The following ZNF678 variants were observed in gnomAD, a reference collection of about 807,000 sequenced individuals.
ZNF678 encodes zinc finger protein 678.
ZNF678 carries 5 observed loss-of-function variants against 3.0 expected under a neutral mutation model. That is an observed-to-expected ratio of 1.69 (90% confidence interval 0.88 to 3.56). ZNF678 has a LOEUF of 3.56. ZNF678 is among the 30% of genes most tolerant of loss of function. The probability of loss-of-function intolerance (pLI) is 0.00; values close to 1 mark genes in which losing one functional copy is unlikely to be tolerated. For synonymous variants in ZNF678, 218 were observed against 199.6 expected (o/e 1.09, Z -0.78); for missense variants, 593 against 605.0 (o/e 0.98, Z 0.21).
intron 5 of ZNF678, among the ~76,000 whole-genome samples, chr1:227,674,550 G>A (rs1659649972): frequency 7.2e-6 from 1 of 139,154 alleles, no homozygotes; most frequent in Non-Finnish European, 1.6e-5. Context: ...AATTATTTAA[G>A]TTTATTTGGA....
At chr1:227,572,041 C>CA (rs1164190885) in intron 1 of ZNF678, among the ~76,000 whole-genome samples, 1 of 151,978 alleles carries the variant, frequency 6.6e-6, no homozygotes, top group African/African-American at 2.4e-5. Context: ...GACTCCGTCT[C>CA]AAAAACAAAC....
chr1:227,657,931 T>C lies in ZNF678; in HGVS notation c.*2103T>C, dbSNP rs1160022008. On this transcript the variant is annotated 3_prime_UTR_variant, in exon 4 of 4. Coordinates refer to ENST00000343776, the MANE Select transcript of ZNF678 (RefSeq NM_001367909.1). ...GAATCTTCTCATGCAAATCCTGTTT[T>C]TTTCTTGTCTGTTGATCATACTAAA... 2 of 152,002 alleles carry C rather than the reference T, an allele frequency of 1.3e-5. No homozygotes were observed. The highest frequency in any genetic ancestry group is 2.9e-5 in the Non-Finnish European group (2 of 67,916). The allele number at this position is 152,002 out of a possible 1,614,324, so 9.4% of individuals were successfully genotyped here. A position where few individuals can be genotyped will look rare whatever the true frequency, so the allele number is the denominator to read the frequency against.
At chr1:227,664,480 C>T (rs1208834284), downstream of ZNF678, among the ~76,000 whole-genome samples, 4 of 152,086 alleles carry the variant, frequency 2.6e-5, no homozygotes, top group African/African-American at 9.7e-5. Flanking sequence ...TGAGGCCTTA[C>T]CTGCATGGGC....
chr1:227,586,417 C>G (rs1571866603), intron 1 of ZNF678, among the ~76,000 whole-genome samples: 2 of 151,976 alleles, frequency 1.3e-5, no homozygotes, highest in East Asian at 3.9e-4. Context: ...AATGTTCCAC[C>G]AAATAGAATA....
At chr1:227,653,782 G>A (rs1380763004) in intron 3 of ZNF678, among the ~76,000 whole-genome samples, 1 of 151,992 alleles carries the variant, frequency 6.6e-6, no homozygotes, top group Non-Finnish European at 1.5e-5. Flanking sequence ...TCTGTCTGTG[G>A]CACTGTGATC....
intron 1 of ZNF678, among the ~76,000 whole-genome samples, chr1:227,570,907 T>G (rs1656823286): frequency 6.6e-6 from 1 of 152,172 alleles, no homozygotes; most frequent in African/African-American, 2.4e-5. Context: ...TAAGATTAAG[T>G]TTAGTGCAGA....
chr1:227,649,455 A>G (rs571235440), intron 2 of ZNF678, among the ~76,000 whole-genome samples: 74 of 152,272 alleles, frequency 4.9e-4, no homozygotes, highest in Non-Finnish European at 7.2e-4. Context: ...GGTTCAAGCA[A>G]TTCTCCTGCC....
At chr1:227,580,221 C>T (rs1379236172) in intron 1 of ZNF678, among the ~76,000 whole-genome samples, 3 of 152,044 alleles carry the variant, frequency 2.0e-5, no homozygotes, top group East Asian at 3.8e-4. Flanking sequence ...CCACTCTCAG[C>T]GCCTTTCCTC....
chr1:227,595,455 A>G (rs1243429967), intron 1 of ZNF678, among the ~76,000 whole-genome samples: 3 of 152,280 alleles, frequency 2.0e-5, no homozygotes, highest in Non-Finnish European at 2.9e-5. Flanking sequence ...CTGATGGCCA[A>G]TCCACCTCTA....
chr1:227,672,446 A>G (rs1659617158), intron 5 of ZNF678, among the ~76,000 whole-genome samples: 1 of 152,130 alleles, frequency 6.6e-6, no homozygotes, highest in Non-Finnish European at 1.5e-5. Context: ...AGTATAGAGA[A>G]AAGAAAACAG....
At chr1:227,583,345 C>CTT (rs144278686) in intron 1 of ZNF678, among the ~76,000 whole-genome samples, 1 of 145,290 alleles carries the variant, frequency 6.9e-6, no homozygotes, top group African/African-American at 2.5e-5. Flanking sequence ...CTTTTTTTTT[C>CTT]TTTTTTCTTT....
chr1:227,579,678 A>G (rs761313392), intron 1 of ZNF678, among the ~76,000 whole-genome samples: 8 of 152,078 alleles, frequency 5.3e-5, no homozygotes, highest in Non-Finnish European at 1.0e-4. Flanking sequence ...CATCAGTGCA[A>G]AAGCTACAGT....
intron 1 of ZNF678, among the ~76,000 whole-genome samples, chr1:227,586,752 T>C (rs1657273144): frequency 6.6e-6 from 1 of 152,226 alleles, no homozygotes; most frequent in Non-Finnish European, 1.5e-5. Context: ...TGAGAATATG[T>C]AGTTAATAAG....
intron 1 of ZNF678, among the ~76,000 whole-genome samples, chr1:227,597,354 T>C (rs978299236): frequency 3.9e-5 from 6 of 152,262 alleles, no homozygotes; most frequent in African/African-American, 1.4e-4. Context: ...GTGGGCGTCA[T>C]AGCCATCACG....
chr1:227,583,571 A>T lies in ZNF678; in HGVS notation c.-164+19847A>T, dbSNP rs368342245. ...AATTGATGACTCATTAGAAAAACTA[A>T]AAACACTTAGAAAAACTGTTACATT... On this transcript the variant is annotated intron_variant, in intron 1 of 3. Transcript: ENST00000343776. Among the ~76,000 whole-genome samples, 48 of 152,018 alleles carry T rather than the reference A, an allele frequency of 3.2e-4. 1 individual carries two copies. The highest frequency in any genetic ancestry group is 1.9e-3 in the East Asian group (10 of 5,190).
chr1:227,596,915 ACAAAGTC>A (rs1449531230), intron 1 of ZNF678, among the ~76,000 whole-genome samples: 1 of 152,230 alleles, frequency 6.6e-6, no homozygotes, highest in East Asian at 1.9e-4. Flanking sequence ...AATATCAAAC[ACAAAGTC>A]CAAATTCAAC....
chr1:227,599,884 G>T (rs561144828), intron 1 of ZNF678, among the ~76,000 whole-genome samples: 1 of 152,270 alleles, frequency 6.6e-6, no homozygotes, highest in South Asian at 2.1e-4. Context: ...TGTAATGGGG[G>T]TTGGTTGGTT....
At chr1:227,618,778 A>G (rs1261846700) in intron 1 of ZNF678, among the ~76,000 whole-genome samples, 2 of 152,156 alleles carry the variant, frequency 1.3e-5, no homozygotes, top group Non-Finnish European at 2.9e-5. Context: ...GATGAACACA[A>G]AGGATGGGAG....
intron 1 of ZNF678, among the ~76,000 whole-genome samples, chr1:227,571,466 A>G (rs1339030622): frequency 2.6e-5 from 4 of 152,176 alleles, no homozygotes; most frequent in South Asian, 4.1e-4. Flanking sequence ...TTACCTAAGC[A>G]TTATTTTGGA....
Sources: gnomAD v4.1 joint callset for allele counts (sites outside exome capture counted in the v4.1 genomes callset) on GRCh38, gnomAD v4.1.1 for gene constraint, MANE v1.5 for transcripts, NCBI Gene and HGNC (gene_info 2026-07-23, HGNC 2026-07-21) for gene names.